The following NBDY variants were observed in gnomAD, a reference collection of about 807,000 sequenced individuals.
NBDY encodes the protein negative regulator of P-body association, also known as P-body dissociating protein.
chrX:56,806,466 T>A (rs987119588), intron 2 of NBDY, among the ~76,000 whole-genome samples: 5 of 112,173 alleles, frequency 4.5e-5, no homozygotes, highest in African/African-American at 1.6e-4. Context: ...TTTCTCCACA[T>A]CCTCTTCAGC....
intron 2 of NBDY, among the ~76,000 whole-genome samples, chrX:56,741,271 T>C (rs770499966): frequency 8.9e-6 from 1 of 112,113 alleles, no homozygotes; most frequent in East Asian, 2.8e-4. Flanking sequence ...TTCTAAATCT[T>C]AGCTGTTGTA....
intron 2 of NBDY, among the ~76,000 whole-genome samples, chrX:56,787,519 A>G (rs773743541): frequency 1.8e-5 from 2 of 111,969 alleles, no homozygotes; most frequent in African/African-American, 6.5e-5. Context: ...TGGGCAACTA[A>G]GGCCTTCTTC....
chrX:56,762,483 A>C (rs1266534457), intron 2 of NBDY, among the ~76,000 whole-genome samples: 1 of 111,329 alleles, frequency 9.0e-6, no homozygotes, highest in Non-Finnish European at 1.9e-5. Flanking sequence ...TTGTTCTGAA[A>C]GGAGCAGAGA....
At chrX:56,805,473 A>C (rs904011548) in intron 2 of NBDY, among the ~76,000 whole-genome samples, 23 of 112,378 alleles carry the variant, frequency 2.0e-4, no homozygotes, top group Middle Eastern at 4.6e-3. Flanking sequence ...TTGTCTAGAC[A>C]ACTCTAACTG....
At position 56,765,742 on chromosome X, in the gene NBDY, C is replaced by T. The variant is rs907795147; in HGVS notation, c.*166+33543C>T. Among the ~76,000 whole-genome samples the T allele has an allele frequency of 4.5e-5, 5 of 110,909 alleles. No individual in the cohort carries two copies. In the South Asian group the frequency reaches 1.9e-3, roughly 43 times the overall value. On this transcript the variant is annotated intron_variant, in intron 2 of 2. Coordinates refer to ENST00000374922, the MANE Select transcript of NBDY (RefSeq NM_001348129.2). ...CCTCCTCCAACTCCTTCTTATCTTC[C>T]TACTCCTCCTTTTTCTTTTTCTTCT...
intron 2 of NBDY, among the ~76,000 whole-genome samples, chrX:56,761,947 C>T (rs1345803895): frequency 8.9e-6 from 1 of 111,970 alleles, no homozygotes; most frequent in Non-Finnish European, 1.9e-5. Flanking sequence ...ACTAGGGGCT[C>T]GTGGCCCCTT....
chrX:56,798,833 C>G (rs1037113680), intron 2 of NBDY, among the ~76,000 whole-genome samples: 3 of 112,151 alleles, frequency 2.7e-5, no homozygotes, highest in Non-Finnish European at 5.6e-5. Flanking sequence ...TTTTGGTGGT[C>G]AACCTGGGAC....
At chrX:56,730,264 C>G (rs746786401) in intron 1 of NBDY, among the ~76,000 whole-genome samples, 20 of 108,190 alleles carry the variant, frequency 1.8e-4, no homozygotes, top group African/African-American at 5.0e-4. Flanking sequence ...GCCTATTATC[C>G]TAGCACTTTG....
rs1381655745 is a variant in NBDY at position 56,788,491 on chromosome X, A to G, written c.*167-28829A>G. ...CCCTTGGCCTGGGCTCATTCCCAGG[A>G]TGGTGCCCTGGCTCCACAGCTGCAT... On this transcript the variant is annotated intron_variant, in intron 2 of 2. Transcript: ENST00000374922. 8.9e-5 allele frequency among the ~76,000 whole-genome samples: 10 copies of G among 112,554 alleles called. No homozygotes were observed. In the Admixed American group the frequency reaches 9.3e-4, roughly 10 times the overall value.
chrX:56,747,238 T>A (rs933347331), intron 2 of NBDY, among the ~76,000 whole-genome samples: 2 of 111,915 alleles, frequency 1.8e-5, no homozygotes, highest in African/African-American at 6.5e-5. Flanking sequence ...AACATCTAAC[T>A]CACCAAGGAG....
chrX:56,817,011 TA>T (rs1388985904), intron 2 of NBDY, among the ~76,000 whole-genome samples: 1 of 111,122 alleles, frequency 9.0e-6, no homozygotes, highest in Non-Finnish European at 1.9e-5. Context: ...AAAACAAGAG[TA>T]ATAGCGGTAG....
chrX:56,734,867 T>C (rs1569283125), intron 2 of NBDY, among the ~76,000 whole-genome samples: 1 of 112,558 alleles, frequency 8.9e-6, no homozygotes, highest in Non-Finnish European at 1.9e-5. Flanking sequence ...CCAGAGACTG[T>C]TTGACATGTA....
chrX:56,796,741 A>G (rs368469463), intron 2 of NBDY, among the ~76,000 whole-genome samples: 1 of 110,952 alleles, frequency 9.0e-6, no homozygotes, highest in Non-Finnish European at 1.9e-5. Context: ...TCTGCTGATG[A>G]CATCCTCAGG....
At chrX:56,809,665 G>A (rs924834257) in intron 2 of NBDY, among the ~76,000 whole-genome samples, 1 of 111,840 alleles carries the variant, frequency 8.9e-6, no homozygotes, top group African/African-American at 3.3e-5. Flanking sequence ...TGTGGGATGG[G>A]TCTCCTGAAT....
intron 2 of NBDY, among the ~76,000 whole-genome samples, chrX:56,749,637 G>C (rs997061332): frequency 2.2e-5 from 2 of 89,268 alleles, no homozygotes; most frequent in Non-Finnish European, 4.3e-5. Context: ...GTGTTGTCAT[G>C]TCCCCACATT....
chrX:56,739,807 A>G (rs2069523036), intron 2 of NBDY, among the ~76,000 whole-genome samples: 1 of 111,613 alleles, frequency 9.0e-6, no homozygotes, highest in African/African-American at 3.3e-5. Flanking sequence ...CTTTGAGACT[A>G]TGTAAATATC....
chrX:56,782,909 G>A (rs1307810760), intron 2 of NBDY, among the ~76,000 whole-genome samples: 1 of 112,062 alleles, frequency 8.9e-6, no homozygotes, highest in East Asian at 2.8e-4. Context: ...CACGCACATG[G>A]AGACTCATGC....
chrX:56,799,655 G>A (rs774289358), intron 2 of NBDY, among the ~76,000 whole-genome samples: 4 of 113,259 alleles, frequency 3.5e-5, no homozygotes, highest in African/African-American at 9.6e-5. Flanking sequence ...AACACCTTCC[G>A]CCGGATGGCA....
At chrX:56,739,335 T>G (rs2069520303) in intron 2 of NBDY, among the ~76,000 whole-genome samples, 1 of 97,734 alleles carries the variant, frequency 1.0e-5, no homozygotes, top group Non-Finnish European at 2.0e-5. Flanking sequence ...GTCTCTCACT[T>G]TTATTTCTCT....
Sources: gnomAD v4.1 joint callset for allele counts (sites outside exome capture counted in the v4.1 genomes callset) on GRCh38, gnomAD v4.1.1 for gene constraint, MANE v1.5 for transcripts, NCBI Gene and HGNC (gene_info 2026-07-23, HGNC 2026-07-21) for gene names.